GBE1: variants seen among roughly 807,000 people sequenced by gnomAD.
GBE1 encodes 1,4-alpha-glucan-branching enzyme.
Under a neutral mutation model 88.8 loss-of-function variants are expected in GBE1, and 70 were observed. The observed-to-expected ratio is 0.79, with a 90% confidence interval of 0.65 to 0.96. The LOEUF (loss-of-function observed/expected upper bound fraction) is 0.96, where lower values mean the gene tolerates loss of function less well. Among genes scored for constraint, GBE1 ranks in the 40% least tolerant of loss-of-function variants. The probability of loss-of-function intolerance (pLI) is 0.00; values close to 1 mark genes in which losing one functional copy is unlikely to be tolerated. For synonymous variants in GBE1, 284 were observed against 300.1 expected (o/e 0.95, Z 0.56); for missense variants, 872 against 871.0 (o/e 1.00, Z -0.01).
chr3:81,689,290 C>A (rs1705485250), intron 2 of GBE1, among the ~76,000 whole-genome samples: 1 of 152,168 alleles, frequency 6.6e-6, no homozygotes, highest in African/African-American at 2.4e-5. Context: ...TTGAGGCCAT[C>A]AATTTTCACA....
At chr3:81,499,296 A>C (rs1702555598) in intron 14 of GBE1, 69 bp from the exon 15 acceptor site, 1 of 887,854 alleles carries the variant, frequency 1.1e-6, no homozygotes, top group African/African-American at 1.7e-5. Flanking sequence ...GTGCTGAGAG[A>C]GCAATTTAGA....
chr3:81,491,353 G>A (rs527274215), intron 15 of GBE1, among the ~76,000 whole-genome samples: 2 of 152,256 alleles, frequency 1.3e-5, no homozygotes, highest in South Asian at 2.1e-4. Flanking sequence ...TAGACTATGA[G>A]CTTTACAAAG....
intron 1 of GBE1, among the ~76,000 whole-genome samples, chr3:81,747,391 C>A (rs974806759): frequency 7.2e-5 from 11 of 152,076 alleles, no homozygotes; most frequent in Non-Finnish European, 1.3e-4. Flanking sequence ...TCTCAAAACA[C>A]AAAAATAGGC....
At chr3:81,527,062 G>A (rs1373209059) in intron 14 of GBE1, among the ~76,000 whole-genome samples, 1 of 151,940 alleles carries the variant, frequency 6.6e-6, no homozygotes, top group African/African-American at 2.4e-5. Context: ...CAGAAATAAT[G>A]CCGCATATCT....
chr3:81,499,548 T>C (rs1047229042), intron 14 of GBE1, among the ~76,000 whole-genome samples: 3 of 152,116 alleles, frequency 2.0e-5, no homozygotes, highest in Admixed American at 2.0e-4. Flanking sequence ...TGAATAGAAA[T>C]TTTGCTCCTT....
At chr3:81,712,929 A>T (rs1705890098) in intron 1 of GBE1, among the ~76,000 whole-genome samples, 1 of 152,220 alleles carries the variant, frequency 6.6e-6, no homozygotes, top group East Asian at 1.9e-4. Context: ...TCATATATTA[A>T]GGCTGCCAAA....
intron 2 of GBE1, among the ~76,000 whole-genome samples, chr3:81,702,382 C>G (rs918816129): frequency 1.3e-5 from 2 of 151,844 alleles, no homozygotes; most frequent in African/African-American, 4.8e-5. Context: ...AAGTTGAGAT[C>G]CCATTCACAA....
intron 14 of GBE1, among the ~76,000 whole-genome samples, chr3:81,509,029 G>T (rs1307935211): frequency 6.6e-6 from 1 of 152,114 alleles, no homozygotes; most frequent in East Asian, 1.9e-4. Context: ...TAGCTGCTGT[G>T]GCTATTATTA....
chr3:81,686,835 T>C (rs530244971), intron 2 of GBE1, among the ~76,000 whole-genome samples: 2 of 152,298 alleles, frequency 1.3e-5, no homozygotes, highest in East Asian at 3.9e-4. Context: ...TATTAATGCC[T>C]TAGTATAAAA....
chr3:81,749,993 T>C (rs1193967267), intron 1 of GBE1, among the ~76,000 whole-genome samples: 1 of 152,178 alleles, frequency 6.6e-6, no homozygotes, highest in Non-Finnish European at 1.5e-5. Flanking sequence ...ATGGGTACCA[T>C]ACAGTTTTTA....
intron 12 of GBE1, among the ~76,000 whole-genome samples, chr3:81,576,271 T>C (rs560287176): frequency 6.6e-6 from 1 of 152,044 alleles, no homozygotes; most frequent in East Asian, 1.9e-4. Context: ...AGTTATCAAA[T>C]AGAAAAATAT....
intron 3 of GBE1, among the ~76,000 whole-genome samples, chr3:81,656,391 T>C (rs1275807226): frequency 6.6e-6 from 1 of 152,150 alleles, no homozygotes; most frequent in African/African-American, 2.4e-5. Flanking sequence ...TTCCAGAAGC[T>C]GAAAATGTCA....
At chr3:81,523,027 A>G (rs1267971353) in intron 14 of GBE1, among the ~76,000 whole-genome samples, 3 of 151,500 alleles carry the variant, frequency 2.0e-5, no homozygotes, top group African/African-American at 7.3e-5. Flanking sequence ...TAAATTTCAG[A>G]AGACCCAATT....
chr3:81,696,423 G>C (rs1316442138), intron 2 of GBE1, among the ~76,000 whole-genome samples: 2 of 152,186 alleles, frequency 1.3e-5, no homozygotes, highest in Non-Finnish European at 2.9e-5. Context: ...ATAAGTGACA[G>C]CTTCTTAGAA....
chr3:81,684,544 C>A (rs1403197035), intron 2 of GBE1, among the ~76,000 whole-genome samples: 13 of 152,138 alleles, frequency 8.5e-5, no homozygotes, highest in Non-Finnish European at 1.5e-4. Flanking sequence ...TAATCCCATT[C>A]ATGAGGGCTC....
chr3:81,563,339 A>C (rs1431004914), intron 12 of GBE1, among the ~76,000 whole-genome samples: 1 of 152,172 alleles, frequency 6.6e-6, no homozygotes, highest in Non-Finnish European at 1.5e-5. Flanking sequence ...TGATTTAAGA[A>C]TTAACAACAC....
intron 7 of GBE1, among the ~76,000 whole-genome samples, chr3:81,608,952 G>A (rs77291850): frequency 0.036 from 5,432 of 152,214 alleles, 326 homozygotes; most frequent in African/African-American, 0.12. Flanking sequence ...ACTCAAAGAA[G>A]TAGCAAAACC....
At chr3:81,613,432 GT>G (rs983715652) in intron 7 of GBE1, among the ~76,000 whole-genome samples, 1 of 151,906 alleles carries the variant, frequency 6.6e-6, no homozygotes, top group Non-Finnish European at 1.5e-5. Context: ...TACAATTCTA[GT>G]TTTTTCCTCC....
chr3:81,537,542 C>T (rs1229848940), intron 12 of GBE1, among the ~76,000 whole-genome samples: 2 of 151,960 alleles, frequency 1.3e-5, no homozygotes, highest in African/African-American at 2.4e-5. Context: ...CTATTATATT[C>T]ATTTCACAGA....
Sources: allele counts gnomAD v4.1 joint callset (sites outside exome capture counted in the v4.1 genomes callset), GRCh38; gene constraint gnomAD v4.1.1; transcripts MANE v1.5; gene names NCBI Gene and HGNC (gene_info 2026-07-23, HGNC 2026-07-21).